The following TLCD4 variants were observed in gnomAD, a reference collection of about 807,000 sequenced individuals.
The protein encoded by TLCD4 is TLC domain-containing protein 4.
Under a neutral mutation model 24.2 loss-of-function variants are expected in TLCD4, and 7 were observed. That is an observed-to-expected ratio of 0.29 (90% CI 0.16 to 0.54). The LOEUF (loss-of-function observed/expected upper bound fraction) is 0.54, where lower values mean the gene tolerates loss of function less well. TLCD4 is among the 20% of genes least tolerant of loss of function. The probability of loss-of-function intolerance (pLI) is 0.95; values close to 1 mark genes in which losing one functional copy is unlikely to be tolerated. For missense variants in TLCD4, 259 were observed against 313.9 expected, an observed-to-expected ratio of 0.82 and a Z score of 1.32; for synonymous variants, 103 against 106.4, an observed-to-expected ratio of 0.97 and a Z score of 0.20.
chr1:95,166,073 A>G (rs1678009153), intron 5 of TLCD4, among the ~76,000 whole-genome samples: 1 of 152,218 alleles, frequency 6.6e-6, no homozygotes, highest in Non-Finnish European at 1.5e-5. Context: ...GAGGATCAGA[A>G]GTAGGACAGG....
At chr1:95,146,887 G>A (rs1677365800) in intron 2 of TLCD4, among the ~76,000 whole-genome samples, 1 of 152,046 alleles carries the variant, frequency 6.6e-6, no homozygotes, top group South Asian at 2.1e-4. Context: ...GTGAATCTGA[G>A]GCCTGAGTGT....
At chr1:95,093,297 G>A in the TLCD4 span, among the ~76,000 whole-genome samples, 2 of 152,102 alleles carry the variant, frequency 1.3e-5, no homozygotes, top group African/African-American at 4.8e-5. Flanking sequence ...AAACGAACAA[G>A]CAATTAAGGA....
At chr1:95,115,964 T>C (rs1163074545), upstream of TLCD4, among the ~76,000 whole-genome samples, 1 of 152,156 alleles carries the variant, frequency 6.6e-6, no homozygotes, top group East Asian at 1.9e-4. Context: ...AGGTAGCTAT[T>C]GCGCAAACCA....
At chr1:95,163,575 T>C (rs531787794) in intron 5 of TLCD4, 87 of 152,334 alleles carry the variant, frequency 5.7e-4, no homozygotes, top group African/African-American at 1.9e-3. Flanking sequence ...TGGAGGAGAA[T>C]AGGTGCTCTG....
chr1:95,102,105 G>A, the TLCD4 span, among the ~76,000 whole-genome samples: 5 of 152,028 alleles, frequency 3.3e-5, no homozygotes, highest in African/African-American at 9.7e-5. Context: ...ATGAAGTTGC[G>A]GAGAGAGAGA....
At chr1:95,148,374 C>G (rs900663624) in intron 2 of TLCD4, among the ~76,000 whole-genome samples, 1 of 152,186 alleles carries the variant, frequency 6.6e-6, no homozygotes, top group Admixed American at 6.5e-5. Context: ...TGCCAGTTGC[C>G]ATCTGGCTGC....
At chr1:95,113,195 A>T (rs936184912), upstream of TLCD4, among the ~76,000 whole-genome samples, 4 of 150,874 alleles carry the variant, frequency 2.7e-5, no homozygotes, top group Admixed American at 1.3e-4. Context: ...GGCGTGCGCC[A>T]CTAAGCCCAG....
intron 3 of TLCD4, 62 bp from the exon 4 acceptor site, chr1:95,150,143 GAAA>G: frequency 6.5e-7 from 1 of 1,531,696 alleles, no homozygotes; most frequent in South Asian, 1.3e-5. Context: ...AATCTCTATA[GAAA>G]AAAGAAGTAG....
At chr1:95,119,324 A>G (rs1327684036) in intron 1 of TLCD4, among the ~76,000 whole-genome samples, 1 of 152,168 alleles carries the variant, frequency 6.6e-6, no homozygotes, top group Non-Finnish European at 1.5e-5. Flanking sequence ...TGAAATCTCC[A>G]CTGGGTAAAT....
intron 2 of TLCD4, among the ~76,000 whole-genome samples, chr1:95,146,555 T>C (rs1376835339): frequency 1.3e-5 from 2 of 152,106 alleles, no homozygotes; most frequent in Non-Finnish European, 2.9e-5. Context: ...TGAAAAAAAA[T>C]TGAAATATTT....
chr1:95,143,283 C>T (rs1287978722), intron 1 of TLCD4, among the ~76,000 whole-genome samples: 3 of 152,080 alleles, frequency 2.0e-5, no homozygotes, highest in Non-Finnish European at 4.4e-5. Flanking sequence ...GCCTTAGGTT[C>T]CCTGCCTCCA....
chr1:95,144,030 C>T lies in TLCD4; in HGVS notation c.129C>T (p.Phe43=). The T allele has an allele frequency of 6.5e-7, 1 of 1,541,254 alleles. No homozygotes were observed. The highest frequency in any genetic ancestry group is 1.4e-5 in the African/African-American group (1 of 71,376). ...CTCCAGGTTTCAATAGTCTCAGCTT[C>T]AAAAAGAAGATTGAATGGAACTCAA... ...KVSPGFNSLS[F]KKKIEWNSRV... Residue 43 remains phenylalanine (F), a synonymous_variant, in exon 2 of 7, where the codon TTC becomes TTT. Coordinates refer to ENST00000370203, the MANE Select transcript of TLCD4 (RefSeq NM_152487.3).
chr1:95,141,439 C>G (rs920885571), intron 1 of TLCD4, among the ~76,000 whole-genome samples: 1 of 152,024 alleles, frequency 6.6e-6, no homozygotes, highest in Non-Finnish European at 1.5e-5. Flanking sequence ...AGAGAGCATA[C>G]GAAAGTCTTC....
chr1:95,150,196 T>C lies in TLCD4; in HGVS notation c.246-12T>C. The C allele has an allele frequency of 6.2e-7, 1 of 1,603,852 alleles. No individual in the cohort carries two copies. Among genetic ancestry groups the C allele is most frequent in the Middle Eastern group, 1.8e-4 (1 of 5,468 alleles). On this transcript the variant is annotated splice_polypyrimidine_tract_variant and intron_variant, in intron 3 of 6. Coordinates refer to ENST00000370203, the MANE Select transcript of TLCD4 (RefSeq NM_152487.3). ...CTATATACTTTAAAAAGGAACCTTT[T>C]TTTTTTTTCAGGGGTGGTCCATCAC...
chr1:95,167,107 C>T (rs769072833), intron 5 of TLCD4, among the ~76,000 whole-genome samples: 3 of 151,648 alleles, frequency 2.0e-5, no homozygotes, highest in Non-Finnish European at 4.4e-5. Context: ...TCCTGATGGC[C>T]CTCAGTATGC....
intron 5 of TLCD4, among the ~76,000 whole-genome samples, chr1:95,159,017 T>C (rs1571753046): frequency 2.0e-5 from 3 of 152,290 alleles, no homozygotes; most frequent in Admixed American, 2.0e-4. Context: ...CTTTGGGTTT[T>C]GACCCAGTAA....
At chr1:95,147,096 C>CA (rs543985443) in intron 2 of TLCD4, among the ~76,000 whole-genome samples, 51 of 140,136 alleles carry the variant, frequency 3.6e-4, no homozygotes, top group Non-Finnish European at 5.5e-4. Flanking sequence ...TTTTTTGAGA[C>CA]AGAGTGTCGC....
intron 1 of TLCD4, 97 bp downstream of exon 1, chr1:95,117,714 G>C (rs1676464967): frequency 6.6e-6 from 1 of 151,392 alleles, no homozygotes; most frequent in Admixed American, 6.6e-5. Context: ...GCGGAGAGGG[G>C]TGCCGCGGCT....
chr1:95,148,613 T>A (rs1677410915), intron 2 of TLCD4, 89 bp from the exon 3 acceptor site: 1 of 1,559,672 alleles, frequency 6.4e-7, no homozygotes, highest in African/African-American at 1.4e-5. Context: ...CTTCCAGGTA[T>A]AACTTGTTCA....
Sources: gnomAD v4.1 joint callset for allele counts (sites outside exome capture counted in the v4.1 genomes callset) on GRCh38, gnomAD v4.1.1 for gene constraint, MANE v1.5 for transcripts, NCBI Gene and HGNC (gene_info 2026-07-23, HGNC 2026-07-21) for gene names.